Variants in PPARGC1A observed in about 807,000 individuals in gnomAD.
PPARGC1A encodes the protein PPARG coactivator 1 alpha.
In PPARGC1A, 25 loss-of-function variants were observed where a neutral mutation model predicts 88.7. That is an observed-to-expected ratio of 0.28 (90% CI 0.21 to 0.39). PPARGC1A has a LOEUF of 0.39. PPARGC1A is among the 10% of genes least tolerant of loss of function. The pLI is 1.00. For synonymous variants in PPARGC1A, 363 were observed against 355.6 expected, an observed-to-expected ratio of 1.02 and a Z score of -0.24; for missense variants, 880 against 968.7, an observed-to-expected ratio of 0.91 and a Z score of 1.22.
the PPARGC1A span, among the ~76,000 whole-genome samples, chr4:24,371,403 T>C: frequency 6.6e-6 from 1 of 152,178 alleles, no homozygotes; most frequent in Non-Finnish European, 1.5e-5. Context: ...CTGTCCCCAA[T>C]ACACTTCCTA....
At chr4:24,383,815 C>A in the PPARGC1A span, among the ~76,000 whole-genome samples, 1 of 152,266 alleles carries the variant, frequency 6.6e-6, no homozygotes, top group South Asian at 2.1e-4. Context: ...CAGATATTAT[C>A]CAGGGGAACT....
At chr4:24,150,260 A>T in the PPARGC1A span, among the ~76,000 whole-genome samples, 1 of 152,190 alleles carries the variant, frequency 6.6e-6, no homozygotes, top group East Asian at 1.9e-4. Context: ...AGTAGAGACC[A>T]ACTCACTGTG....
the PPARGC1A span, among the ~76,000 whole-genome samples, chr4:24,235,895 G>C: frequency 0.46 from 69,844 of 151,804 alleles, 16,332 homozygotes; most frequent in Middle Eastern, 0.55. Flanking sequence ...GAAAGTGTTA[G>C]AGGGTGGGGG....
At chr4:24,302,368 G>A in the PPARGC1A span, among the ~76,000 whole-genome samples, 4 of 152,174 alleles carry the variant, frequency 2.6e-5, no homozygotes, top group African/African-American at 9.6e-5. Flanking sequence ...AAATTAGTGA[G>A]CACTGAAATG....
intron 2 of PPARGC1A, among the ~76,000 whole-genome samples, chr4:23,844,742 C>CATAATATATGATAT: frequency 4.2e-5 from 1 of 23,832 alleles, no homozygotes; most frequent in African/African-American, 1.4e-4. Context: ...TATGATATAT[C>CATAATATATGATAT]ATAATATATG....
Position 23,804,001 on chromosome 4 carries a change from T to A in PPARGC1A, c.2020-1656A>T, listed in dbSNP as rs371344589. Among the ~76,000 whole-genome samples, 6 of 152,308 alleles carry A rather than the reference T, an allele frequency of 3.9e-5. No homozygotes were observed. In the South Asian group the frequency reaches 1.2e-3, roughly 32 times the overall value. On this transcript the variant is annotated intron_variant, in intron 10 of 12. Transcript: ENST00000264867. ...TGTAACTGAACAATTTGCAGACCCT[T>A]TATCTTCCTGGATGATAAGCTTACC... is the stretch of plus-strand genomic sequence containing the variant.
At chr4:24,220,524 A>G in the PPARGC1A span, among the ~76,000 whole-genome samples, 1 of 152,234 alleles carries the variant, frequency 6.6e-6, no homozygotes, top group Non-Finnish European at 1.5e-5. Flanking sequence ...CATATACACT[A>G]TGGAATACCA....
At chr4:24,012,896 T>C in the PPARGC1A span, among the ~76,000 whole-genome samples, 1 of 152,152 alleles carries the variant, frequency 6.6e-6, no homozygotes, top group Non-Finnish European at 1.5e-5. Context: ...TGAGCAAGTA[T>C]TTCCAGAACA....
the PPARGC1A span, among the ~76,000 whole-genome samples, chr4:24,387,946 A>AAG: frequency 2.8e-4 from 39 of 137,582 alleles, no homozygotes; most frequent in African/African-American, 1.2e-3. Flanking sequence ...GAAAGAAAGA[A>AAG]AGAAAGAAAG....
chr4:24,171,087 C>T, the PPARGC1A span, among the ~76,000 whole-genome samples: 1 of 152,214 alleles, frequency 6.6e-6, no homozygotes, highest in Non-Finnish European at 1.5e-5. Flanking sequence ...CAAATGTTAC[C>T]TTCTCGGTTA....
chr4:23,994,109 G>T, the PPARGC1A span, among the ~76,000 whole-genome samples: 1 of 152,164 alleles, frequency 6.6e-6, no homozygotes, highest in South Asian at 2.1e-4. Context: ...ATAAGCTGAG[G>T]ATTTGAATCC....
intron 1 of PPARGC1A, among the ~76,000 whole-genome samples, chr4:23,888,694 A>C (rs1717314714): frequency 6.6e-6 from 1 of 152,212 alleles, no homozygotes; most frequent in Non-Finnish European, 1.5e-5. Flanking sequence ...AAGAGTTAAG[A>C]ATCCCGGGCA....
the PPARGC1A span, among the ~76,000 whole-genome samples, chr4:24,455,684 C>A: frequency 6.6e-6 from 1 of 152,154 alleles, no homozygotes; most frequent in Admixed American, 6.5e-5. Context: ...GTCATTATCT[C>A]CAGAGTTGGT....
chr4:24,091,593 C>A, the PPARGC1A span: 3 of 985,242 alleles, frequency 3.0e-6, no homozygotes, highest in Non-Finnish European at 3.6e-6. Context: ...TCTCTCCTTG[C>A]AAGCTTTTAC....
At chr4:24,189,448 T>C in the PPARGC1A span, among the ~76,000 whole-genome samples, 6 of 152,070 alleles carry the variant, frequency 3.9e-5, no homozygotes, top group Non-Finnish European at 8.8e-5. Context: ...ACCACACCCC[T>C]GAGAAAGCTG....
intron 2 of PPARGC1A, among the ~76,000 whole-genome samples, chr4:23,861,259 A>C (rs957740727): frequency 6.6e-6 from 1 of 152,258 alleles, no homozygotes; most frequent in Non-Finnish European, 1.5e-5. Flanking sequence ...TTCGAAACAA[A>C]GAATGAACAT....
At chr4:24,181,859 A>T in the PPARGC1A span, among the ~76,000 whole-genome samples, 13 of 152,180 alleles carry the variant, frequency 8.5e-5, no homozygotes, top group African/African-American at 2.9e-4. Context: ...CTGAAACAGC[A>T]GCGCAAAAGC....
chr4:24,127,811 TCAG>T, the PPARGC1A span, among the ~76,000 whole-genome samples: 15 of 152,066 alleles, frequency 9.9e-5, no homozygotes, highest in East Asian at 2.9e-3. Flanking sequence ...CATTAGTACA[TCAG>T]CAGTTCAATA....
At chr4:24,363,975 T>C in the PPARGC1A span, among the ~76,000 whole-genome samples, 3 of 152,188 alleles carry the variant, frequency 2.0e-5, no homozygotes, top group Non-Finnish European at 4.4e-5. Flanking sequence ...GCTCCTACCG[T>C]GTTCCTTATG....
Sources: allele counts gnomAD v4.1 joint callset (sites outside exome capture counted in the v4.1 genomes callset), GRCh38; gene constraint gnomAD v4.1.1; transcripts MANE v1.5; gene names NCBI Gene and HGNC (gene_info 2026-07-23, HGNC 2026-07-21).